Variants in CSMD1 observed in about 807,000 individuals in gnomAD.
The protein encoded by CSMD1 is CUB and sushi domain-containing protein 1.
Under a neutral mutation model 417.5 loss-of-function variants are expected in CSMD1, and 213 were observed. The observed-to-expected ratio is 0.51, with a 90% CI of 0.46 to 0.57. The LOEUF (loss-of-function observed/expected upper bound fraction) is 0.57, where lower values mean the gene tolerates loss of function less well. Ranked by LOEUF, CSMD1 falls within the 20% of genes least tolerant of loss-of-function variation. The probability of loss-of-function intolerance (pLI) is 0.00; values close to 1 mark genes in which losing one functional copy is unlikely to be tolerated. For synonymous variants in CSMD1, 2,862 were observed against 1,736.8 expected, an observed-to-expected ratio of 1.65 and a Z score of -16.11; for missense variants, 6,923 against 4,529.7, an observed-to-expected ratio of 1.53 and a Z score of -15.17.
At chr8:4,538,960 C>T (rs758894243) in intron 2 of CSMD1, among the ~76,000 whole-genome samples, 1 of 152,278 alleles carries the variant, frequency 6.6e-6, no homozygotes, top group Middle Eastern at 3.4e-3. Flanking sequence ...CAGCAAAATG[C>T]TAATTCTGGC....
chr8:3,732,025 C>G (rs1460892958), intron 6 of CSMD1, among the ~76,000 whole-genome samples: 2 of 143,708 alleles, frequency 1.4e-5, no homozygotes, highest in African/African-American at 2.5e-5. Flanking sequence ...AGAATGCATG[C>G]TCTCCACATT....
At chr8:3,012,446 A>G (rs921426693) in intron 52 of CSMD1, among the ~76,000 whole-genome samples, 3 of 152,206 alleles carry the variant, frequency 2.0e-5, no homozygotes, top group Admixed American at 1.3e-4. Flanking sequence ...AAGTCACTGG[A>G]AACAACTAGC....
At chr8:2,944,830 T>C (rs1258314960) in intron 68 of CSMD1, among the ~76,000 whole-genome samples, 1 of 133,476 alleles carries the variant, frequency 7.5e-6, no homozygotes, top group Non-Finnish European at 1.6e-5. Flanking sequence ...GTATTCTACT[T>C]ACATTAACCA....
At chr8:4,941,389 G>A (rs931050766) in intron 1 of CSMD1, among the ~76,000 whole-genome samples, 1 of 152,036 alleles carries the variant, frequency 6.6e-6, no homozygotes, top group African/African-American at 2.4e-5. Context: ...ATCTTTTGAT[G>A]GTCTAAGATA....
chr8:4,951,655 C>G (rs930023429), intron 1 of CSMD1, among the ~76,000 whole-genome samples: 1 of 151,556 alleles, frequency 6.6e-6, no homozygotes, highest in Non-Finnish European at 1.5e-5. Context: ...AATGTTTTAT[C>G]TGGATTTCCT....
intron 3 of CSMD1, among the ~76,000 whole-genome samples, chr8:4,206,121 T>G (rs1475042004): frequency 2.0e-5 from 3 of 152,198 alleles, no homozygotes; most frequent in African/African-American, 7.2e-5. Flanking sequence ...GGGAAAAGGA[T>G]AGGGAGGGTA....
rs1387294605 is a variant in CSMD1 at position 3,974,643 on chromosome 8, GT to G, written c.818+23259del. Among the ~76,000 whole-genome samples, 3 of 150,766 alleles carry G rather than the reference GT, an allele frequency of 2.0e-5. 1 individual carries two copies. Among genetic ancestry groups the G allele is most frequent in the Admixed American group, 2.0e-4 (3 of 15,118 alleles). On this transcript the variant is annotated intron_variant, in intron 5 of 69. Transcript: ENST00000635120. ...TCAGTAATTATTAGATGAAAGAACT[GT>G]TTAAACTGCTTTAAAAACAGCGTGC...
At chr8:3,423,592 C>A (rs559550347) in intron 12 of CSMD1, among the ~76,000 whole-genome samples, 2 of 152,158 alleles carry the variant, frequency 1.3e-5, no homozygotes, top group African/African-American at 4.8e-5. Context: ...ACTCAATGGT[C>A]CTCCACTCTG....
intron 5 of CSMD1, among the ~76,000 whole-genome samples, chr8:3,818,150 G>A (rs1005397265): frequency 6.6e-6 from 1 of 152,032 alleles, no homozygotes; most frequent in Non-Finnish European, 1.5e-5. Context: ...TAAGGGTAGT[G>A]CCTCCTCTGA....
chr8:3,484,711 G>C (rs763571840), intron 11 of CSMD1, among the ~76,000 whole-genome samples: 15 of 152,160 alleles, frequency 9.9e-5, no homozygotes, highest in East Asian at 1.9e-4. Context: ...CTAATATCTT[G>C]ACTACACAAA....
chr8:4,787,244 C>T (rs768376073), intron 1 of CSMD1: 7 of 519,962 alleles, frequency 1.3e-5, no homozygotes, highest in Admixed American at 3.3e-5. Flanking sequence ...CCTCCTTCCC[C>T]GCCCAGAGAT....
chr8:4,632,173 G>T (rs901698302), intron 2 of CSMD1, among the ~76,000 whole-genome samples: 2 of 152,198 alleles, frequency 1.3e-5, no homozygotes, highest in African/African-American at 4.8e-5. Context: ...GTGCACAGTG[G>T]CAGGGATGAG....
At chr8:4,444,618 G>A (rs1379508454) in intron 2 of CSMD1, among the ~76,000 whole-genome samples, 1 of 152,062 alleles carries the variant, frequency 6.6e-6, no homozygotes, top group Non-Finnish European at 1.5e-5. Context: ...AGGGATAGAT[G>A]CCATCTGTAA....
chr8:3,205,002 G>A (rs77130499), intron 31 of CSMD1, among the ~76,000 whole-genome samples: 1,922 of 152,298 alleles, frequency 0.013, 42 homozygotes, highest in African/African-American at 0.043. Flanking sequence ...AGGGAAACAG[G>A]AAGTCAGGGT....
At chr8:3,821,233 T>A (rs1585046404) in intron 5 of CSMD1, among the ~76,000 whole-genome samples, 1 of 152,110 alleles carries the variant, frequency 6.6e-6, no homozygotes, top group African/African-American at 2.4e-5. Flanking sequence ...TTAACTTTTT[T>A]AAAAGTAGAA....
chr8:4,768,370 C>A (rs957588971), intron 1 of CSMD1, among the ~76,000 whole-genome samples: 1 of 152,138 alleles, frequency 6.6e-6, no homozygotes, highest in African/African-American at 2.4e-5. Context: ...ATCAAAGCTT[C>A]CTGTTCTTTC....
At chr8:3,562,737 G>A (rs1420704571) in intron 10 of CSMD1, among the ~76,000 whole-genome samples, 1 of 150,174 alleles carries the variant, frequency 6.7e-6, no homozygotes, top group Non-Finnish European at 1.5e-5. Flanking sequence ...CAACTGATTG[G>A]TTAAAAATAA....
At position 3,931,039 on chromosome 8, in the gene CSMD1, T is replaced by C. The variant is rs528788300; in HGVS notation, c.818+66864A>G. On this transcript the variant is annotated intron_variant, in intron 5 of 69. Coordinates refer to ENST00000635120, the MANE Select transcript of CSMD1 (RefSeq NM_033225.6). ...GTGCTAATTTCCACAGGGAAAATCT[T>C]AACTGCGGTATGATCGCTGAGATAA... Among the ~76,000 whole-genome samples the C allele has an allele frequency of 3.9e-4, 58 of 150,536 alleles. 2 individuals carry two copies. Among genetic ancestry groups the C allele is most frequent in the Non-Finnish European group, 7.7e-4 (52 of 67,592 alleles).
intron 46 of CSMD1, among the ~76,000 whole-genome samples, chr8:3,098,658 A>G (rs1390579265): frequency 1.3e-5 from 2 of 152,224 alleles, no homozygotes; most frequent in Non-Finnish European, 2.9e-5. Context: ...ATCGCTTTGT[A>G]AAATACACGA....
Sources: gnomAD v4.1 joint callset for allele counts (sites outside exome capture counted in the v4.1 genomes callset) on GRCh38, gnomAD v4.1.1 for gene constraint, MANE v1.5 for transcripts, NCBI Gene and HGNC (gene_info 2026-07-23, HGNC 2026-07-21) for gene names.